The following IQCH variants were observed in gnomAD, a reference collection of about 807,000 sequenced individuals.
IQCH encodes the protein IQ domain-containing protein H.
Under a neutral mutation model 117.0 loss-of-function variants are expected in IQCH, and 98 were observed. The ratio of observed to expected loss-of-function variants is 0.84; its 90% CI spans 0.71 to 0.99. IQCH has a LOEUF of 0.99. Ranked by LOEUF, IQCH falls within the 50% of genes least tolerant of loss-of-function variation. The probability of loss-of-function intolerance (pLI) is 0.00; values close to 1 mark genes in which losing one functional copy is unlikely to be tolerated. For synonymous variants in IQCH, 412 were observed against 448.2 expected (o/e 0.92, Z 1.02); for missense variants, 1,102 against 1,243.8 (o/e 0.89, Z 1.72).
At chr15:67,377,115 CAAA>C (rs5813442) in intron 10 of IQCH, among the ~76,000 whole-genome samples, 7 of 82,026 alleles carry the variant, frequency 8.5e-5, no homozygotes, top group Non-Finnish European at 1.4e-4. Context: ...GACTCCATCT[CAAA>C]AAAAAAAAAA....
chr15:67,295,732 T>G (rs1966848641), intron 4 of IQCH, among the ~76,000 whole-genome samples: 1 of 152,200 alleles, frequency 6.6e-6, no homozygotes, highest in Admixed American at 6.5e-5. Context: ...ACTAAATGCA[T>G]CAGTCTTTCT....
intron 4 of IQCH, among the ~76,000 whole-genome samples, chr15:67,335,359 C>A (rs1968845617): frequency 6.6e-6 from 1 of 152,148 alleles, no homozygotes; most frequent in Admixed American, 6.5e-5. Context: ...TCCTCTTTGT[C>A]CTGAAACTGC....
chr15:67,301,646 A>G (rs1034721379), intron 4 of IQCH, among the ~76,000 whole-genome samples: 6 of 151,518 alleles, frequency 4.0e-5, no homozygotes, highest in Non-Finnish European at 8.8e-5. Context: ...CTGACCTCAA[A>G]TGATCCACCC....
rs1971650867 is a variant in IQCH at position 67,401,313 on chromosome 15, C to T, written c.2097+1008C>T. On this transcript the variant is annotated intron_variant, in intron 14 of 20. Coordinates refer to ENST00000335894, the MANE Select transcript of IQCH (RefSeq NM_001031715.3). This position sits in a 1 kb window ranked among gnomAD's most constrained non-coding sequence, Gnocchi z 4.7. ...TAATATATAAATTAAACCTGCCATTCTAAAACTATCTTGCTTTTCATCCAG... is the reference window on the plus strand; with the variant it reads ...TAATATATAAATTAAACCTGCCATTTTAAAACTATCTTGCTTTTCATCCAG... 6.6e-6 allele frequency among the ~76,000 whole-genome samples: 1 copy of T among 152,200 alleles called. No individual in the cohort carries two copies.
At chr15:67,378,666 T>C (rs989423880) in intron 10 of IQCH, among the ~76,000 whole-genome samples, 1 of 152,036 alleles carries the variant, frequency 6.6e-6, no homozygotes, top group Non-Finnish European at 1.5e-5. Context: ...TCTTATAATA[T>C]GAAATTATCC....
At chr15:67,446,132 T>C (rs901764294) in intron 16 of IQCH, among the ~76,000 whole-genome samples, 5 of 152,228 alleles carry the variant, frequency 3.3e-5, no homozygotes, top group African/African-American at 9.6e-5. Context: ...GAAAGACTTA[T>C]GGCATACCAA....
At chr15:67,306,811 T>C in intron 4 of IQCH, 1 of 1,521,980 alleles carries the variant, frequency 6.6e-7, no homozygotes, top group Non-Finnish European at 8.8e-7. Context: ...AACAACCTTC[T>C]AACATTTTTT....
rs1177519818 is a variant in IQCH, at chr15:67,340,443, A to AC, written c.508+3348_508+3349insC. ...CTCCATCTCAAAAAAAAAAAAAAAAAAAAAAAAAAAAAAAAAAAAAACAGT... is the reference window on the plus strand; with the variant it reads ...CTCCATCTCAAAAAAAAAAAAAAAAACAAAAAAAAAAAAAAAAAAAAACAGT... On this transcript the variant is annotated intron_variant, in intron 5 of 20. Coordinates refer to ENST00000335894, the MANE Select transcript of IQCH (RefSeq NM_001031715.3). Among the ~76,000 whole-genome samples, 287 of 136,738 alleles carry AC rather than the reference A, an allele frequency of 2.1e-3. 2 individuals carry two copies. Among genetic ancestry groups the AC allele is most frequent in the Middle Eastern group, 7.2e-3 (2 of 278 alleles). The allele number at this position is 136,738 out of a possible 152,430, so 89.7% of individuals were successfully genotyped here.
At chr15:67,317,381 T>C (rs1967899740) in intron 4 of IQCH, among the ~76,000 whole-genome samples, 1 of 151,904 alleles carries the variant, frequency 6.6e-6, no homozygotes, top group Non-Finnish European at 1.5e-5. Flanking sequence ...TTCTGTATTT[T>C]TTAAGTAGAG....
chr15:67,330,054 A>G (rs1968596079), intron 4 of IQCH, among the ~76,000 whole-genome samples: 1 of 146,016 alleles, frequency 6.8e-6, no homozygotes, highest in Non-Finnish European at 1.5e-5. Flanking sequence ...CTGGACAGGC[A>G]TCTTGTGATC....
chr15:67,440,103 A>G (rs1162766157), intron 16 of IQCH, among the ~76,000 whole-genome samples: 1 of 152,176 alleles, frequency 6.6e-6, no homozygotes, highest in Non-Finnish European at 1.5e-5. Flanking sequence ...TTACACACAT[A>G]AACTAGAAAA....
intron 8 of IQCH, chr15:67,371,499 G>C (rs1970530584): frequency 6.3e-7 from 1 of 1,594,078 alleles, no homozygotes; most frequent in African/African-American, 1.4e-5. Context: ...AAGAATAAAA[G>C]AACACGTGTC....
intron 3 of IQCH, among the ~76,000 whole-genome samples, chr15:67,270,020 C>A (rs191710917): frequency 2.0e-5 from 3 of 152,200 alleles, no homozygotes; most frequent in Admixed American, 2.0e-4. Flanking sequence ...ATGGCTGGGT[C>A]TTATGGTAGT....
chr15:67,348,736 T>G (rs921444551), intron 6 of IQCH, among the ~76,000 whole-genome samples: 1 of 152,208 alleles, frequency 6.6e-6, no homozygotes, highest in Non-Finnish European at 1.5e-5. Context: ...AGGATCTCAG[T>G]AAGATTTTTT....
intron 2 of IQCH, among the ~76,000 whole-genome samples, chr15:67,262,609 C>T (rs895107282): frequency 6.6e-6 from 1 of 152,162 alleles, no homozygotes; most frequent in Non-Finnish European, 1.5e-5. Context: ...TACTCAATGT[C>T]TGTATTGCCT....
In IQCH at chr15:67,408,499, T is replaced by C. The variant is rs2081363051; in HGVS notation, c.2097+8194T>C. ...GTCTGTGGAAAGAAAACAATCAATA[T>C]ATAATGCTACTACATCTGCCTCAAG... On this transcript the variant is annotated intron_variant, in intron 14 of 20. Transcript: ENST00000335894. This position sits in a 1 kb window ranked among gnomAD's most constrained non-coding sequence, Gnocchi z 4.2. 4.6e-5 allele frequency: 7 copies of C among 152,222 alleles called. No individual in the cohort carries two copies. The highest frequency in any genetic ancestry group is 4.6e-4 in the Admixed American group (7 of 15,282). 9.4% of individuals were successfully genotyped at this position (152,222 alleles called of 1,614,324 possible).
chr15:67,450,319 T>C (rs1231430993), intron 16 of IQCH, among the ~76,000 whole-genome samples: 1 of 152,248 alleles, frequency 6.6e-6, no homozygotes, highest in Non-Finnish European at 1.5e-5. Context: ...AAGGGAATGC[T>C]TCCAGTTTTT....
intron 1 of IQCH, among the ~76,000 whole-genome samples, chr15:67,258,861 T>C (rs538877969): frequency 6.6e-6 from 1 of 152,306 alleles, no homozygotes; most frequent in Non-Finnish European, 1.5e-5. Context: ...AAGAAAGAGA[T>C]TTAGAACTCA....
At chr15:67,477,044 C>CTTTTTTTTTTTTTTTTTTTTTTTTT (rs71455553) in intron 18 of IQCH, among the ~76,000 whole-genome samples, 4 of 71,176 alleles carry the variant, frequency 5.6e-5, no homozygotes, top group Non-Finnish European at 7.6e-5. Flanking sequence ...TCTTTTTCTT[C>CTTTTTTTTTTTTTTTTTTTTTTTTT]TTTTTTTTTT....
Sources: allele counts gnomAD v4.1 joint callset (sites outside exome capture counted in the v4.1 genomes callset), GRCh38; gene constraint gnomAD v4.1.1; non-coding constraint Gnocchi (gnomAD v3.1); transcripts MANE v1.5; gene names NCBI Gene and HGNC (gene_info 2026-07-23, HGNC 2026-07-21).